The following SHCBP1L variants were observed in gnomAD, a reference collection of about 807,000 sequenced individuals.
The protein encoded by SHCBP1L is SHC binding and spindle associated 1 like, also known as testicular spindle-associated protein SHCBP1L.
In SHCBP1L, 67 loss-of-function variants were observed where a neutral mutation model predicts 62.5. That is an observed-to-expected ratio of 1.07 (90% CI 0.88 to 1.31). The LOEUF is 1.31. Among genes scored for constraint, SHCBP1L ranks in the 40% most tolerant of loss-of-function variants. The pLI, the probability that SHCBP1L is intolerant of heterozygous loss-of-function variation, is 0.00. For missense variants in SHCBP1L, 823 were observed against 809.8 expected (o/e 1.02, Z -0.20); for synonymous variants, 284 against 289.4 (o/e 0.98, Z 0.19).
At chr1:182,913,429 C>T (rs1468662975) in intron 6 of SHCBP1L, among the ~76,000 whole-genome samples, 2 of 152,114 alleles carry the variant, frequency 1.3e-5, no homozygotes, top group Non-Finnish European at 2.9e-5. Flanking sequence ...TACTTGCTGG[C>T]AGGGAGAAAG....
At chr1:182,952,548 G>T in intron 1 of SHCBP1L, 181 bp downstream of exon 1, 1 of 679,600 alleles carries the variant, frequency 1.5e-6, no homozygotes, top group Non-Finnish European at 2.3e-6. Context: ...CTCTAGGGCA[G>T]GACGCGGGCA....
intron 6 of SHCBP1L, among the ~76,000 whole-genome samples, chr1:182,924,786 AAG>A (rs370806414): frequency 0.012 from 1,118 of 92,668 alleles, 72 homozygotes; most frequent in African/African-American, 0.033. Context: ...GAAAGAAAGA[AAG>A]AGAGAAAGAA....
intron 2 of SHCBP1L, among the ~76,000 whole-genome samples, chr1:182,947,870 T>C (rs1466126374): frequency 4.6e-5 from 7 of 152,142 alleles, no homozygotes; most frequent in Non-Finnish European, 2.9e-5. Context: ...AGAGATGAGG[T>C]CTTGCTATGT....
intron 2 of SHCBP1L, chr1:182,944,219 A>C (rs1186428674): frequency 6.6e-6 from 1 of 152,330 alleles, no homozygotes; most frequent in Admixed American, 6.5e-5. Context: ...CAGCCTGGCC[A>C]ACGTGCTGAA....
In SHCBP1L at chr1:182,904,251, C is replaced by T. The variant is rs1649931170; in HGVS notation, c.1516G>A (p.Glu506Lys). ...GTAAGAACACACACTCCTGTTCCTT[C>T]ACATTTTAATATGCAGTTTTCTAGA... ...MTLENCILKC[E>K]GTGVCVLTGA... is the part of the protein sequence containing the mutation. Residue 506 changes from glutamate to lysine, a missense_variant, in exon 8 of 10, where the codon GAA becomes AAA. Physicochemically the swap from Glu to Lys is moderately conservative, Grantham distance 56. Transcript: ENST00000367547. 1.2e-6 allele frequency: 2 copies of T among 1,614,024 alleles called. No individual in the cohort carries two copies. Among genetic ancestry groups the T allele is most frequent in the South Asian group, 2.2e-5 (2 of 91,086 alleles).
intron 9 of SHCBP1L, among the ~76,000 whole-genome samples, chr1:182,900,604 T>A (rs1015780934): frequency 6.6e-6 from 1 of 152,218 alleles, no homozygotes; most frequent in African/African-American, 2.4e-5. Flanking sequence ...GGCTAATTTT[T>A]GTATTTTTAG....
intron 6 of SHCBP1L, among the ~76,000 whole-genome samples, chr1:182,907,031 T>G (rs908423942): frequency 6.6e-6 from 1 of 151,606 alleles, no homozygotes; most frequent in Non-Finnish European, 1.5e-5. Flanking sequence ...TTGCCCAGGC[T>G]GGTCTCAAAC....
chr1:182,925,510 G>C (rs1650717638), intron 6 of SHCBP1L, among the ~76,000 whole-genome samples: 1 of 151,842 alleles, frequency 6.6e-6, no homozygotes, highest in Admixed American at 6.6e-5. Context: ...ACATTCGCTA[G>C]GATCACTGTA....
At chr1:182,944,142 A>AAAT (rs1651472875) in intron 2 of SHCBP1L, among the ~76,000 whole-genome samples, 2 of 150,496 alleles carry the variant, frequency 1.3e-5, no homozygotes, top group African/African-American at 2.4e-5. Flanking sequence ...ATAAATAAAT[A>AAAT]AATAAATAAA....
intron 9 of SHCBP1L, 145 bp from the exon 10 acceptor site, chr1:182,900,379 A>G: frequency 1.6e-6 from 1 of 640,746 alleles, no homozygotes; most frequent in Non-Finnish European, 2.5e-6. Flanking sequence ...AACAAGTGTT[A>G]AGTACTGTTT....
At chr1:182,917,281 T>C (rs776762963) in intron 6 of SHCBP1L, among the ~76,000 whole-genome samples, 3 of 152,180 alleles carry the variant, frequency 2.0e-5, no homozygotes, top group Non-Finnish European at 4.4e-5. Flanking sequence ...TGAAGTGAGA[T>C]TTATTCCAAG....
chr1:182,909,090 A>G (rs887633760), intron 6 of SHCBP1L, among the ~76,000 whole-genome samples: 1 of 152,240 alleles, frequency 6.6e-6, no homozygotes, highest in Admixed American at 6.5e-5. Flanking sequence ...ACCTCTGTAA[A>G]TAAATAATTT....
chr1:182,948,107 C>T (rs1651621018), intron 2 of SHCBP1L, among the ~76,000 whole-genome samples: 1 of 152,154 alleles, frequency 6.6e-6, no homozygotes, highest in South Asian at 2.1e-4. Context: ...TTCCAGTCAA[C>T]AGTAGGCTAT....
chr1:182,911,394 T>G (rs1650184050), intron 6 of SHCBP1L, among the ~76,000 whole-genome samples: 1 of 152,080 alleles, frequency 6.6e-6, no homozygotes, highest in East Asian at 1.9e-4. Flanking sequence ...GAATCCAATT[T>G]CCAGAGTTAC....
chr1:182,912,652 A>G (rs919784103), intron 6 of SHCBP1L, among the ~76,000 whole-genome samples: 1 of 151,716 alleles, frequency 6.6e-6, no homozygotes, highest in East Asian at 2.0e-4. Flanking sequence ...CCTCCCAAGT[A>G]GCTGAGATTA....
At chr1:182,933,526 T>A (rs1651074762) in intron 5 of SHCBP1L, among the ~76,000 whole-genome samples, 1 of 152,184 alleles carries the variant, frequency 6.6e-6, no homozygotes, top group African/African-American at 2.4e-5. Flanking sequence ...ATTCCAAGTT[T>A]TTTTTAGAGT....
In SHCBP1L at chr1:182,923,961, A is replaced by G. The variant is rs556042416; in HGVS notation, c.1182+5686T>C. Among the ~76,000 whole-genome samples the G allele has an allele frequency of 2.7e-3, 407 of 152,312 alleles. 1 individual carries two copies. The highest frequency in any genetic ancestry group is 3.6e-3 in the African/African-American group (148 of 41,580). ...AAGTCAAATTATCTCTTTAGAGACT[A>G]TATGATTTTATACCTAGAAAACCTC... On this transcript the variant is annotated intron_variant, in intron 6 of 9. Transcript: ENST00000367547.
intron 6 of SHCBP1L, among the ~76,000 whole-genome samples, chr1:182,911,209 G>C (rs1039151419): frequency 6.6e-6 from 1 of 151,998 alleles, no homozygotes; most frequent in Non-Finnish European, 1.5e-5. Context: ...CTTTTTAGCT[G>C]AGCCATTTAA....
At chr1:182,930,342 G>A (rs1041530953) in intron 5 of SHCBP1L, among the ~76,000 whole-genome samples, 1 of 150,980 alleles carries the variant, frequency 6.6e-6, no homozygotes, top group Admixed American at 6.6e-5. Flanking sequence ...TTTCCTGTTC[G>A]TATCTCTATC....
Sources: allele counts gnomAD v4.1 joint callset (sites outside exome capture counted in the v4.1 genomes callset), GRCh38; gene constraint gnomAD v4.1.1; transcripts MANE v1.5; gene names NCBI Gene and HGNC (gene_info 2026-07-23, HGNC 2026-07-21).